Variants in ZNF469 observed in about 807,000 individuals in gnomAD.
The protein encoded by ZNF469 is zinc finger protein 469.
A neutral mutation model predicts 1.0 loss-of-function variants in ZNF469; 1 was observed. The ratio of observed to expected loss-of-function variants is 1.00; its 90% CI spans 0.35 to 4.73. The LOEUF (loss-of-function observed/expected upper bound fraction) is 4.73. Ranked by LOEUF, ZNF469 falls within the 30% of genes most tolerant of loss-of-function variation. ZNF469 has a pLI of 0.16. For synonymous variants in ZNF469, 2,703 were observed against 2,363.4 expected (o/e 1.14, Z -4.17); for missense variants, 6,100 against 5,356.3 (o/e 1.14, Z -4.33).
At chr16:88,213,224 G>A in the ZNF469 span, among the ~76,000 whole-genome samples, 26 of 151,888 alleles carry the variant, frequency 1.7e-4, no homozygotes, top group Non-Finnish European at 3.5e-4. Flanking sequence ...TCAGCCTGCC[G>A]AGTAGCTGGG....
chr16:88,321,677 C>T, the ZNF469 span, among the ~76,000 whole-genome samples: 2 of 152,136 alleles, frequency 1.3e-5, no homozygotes, highest in Admixed American at 6.5e-5. Flanking sequence ...TAAGGCCTCA[C>T]CTGATTGGTG....
At chr16:88,371,550 G>C in the ZNF469 span, among the ~76,000 whole-genome samples, 1 of 152,154 alleles carries the variant, frequency 6.6e-6, no homozygotes, top group African/African-American at 2.4e-5. Flanking sequence ...ATGCTTTGTA[G>C]AGGCAGAGCT....
rs924208345 is a variant in ZNF469 at position 88,436,974 on chromosome 16, G to A, written c.9504G>A (p.Ala3168=). Reference sequence around the variant, plus strand: ...GGGGGCACCTGCAGGAGAGGCACGCGCAGAGCAAGGCCGGGCCCTGGGCGT... The same window carrying A: ...GGGGGCACCTGCAGGAGAGGCACGCACAGAGCAAGGCCGGGCCCTGGGCGT... ...LLRGHLQERH[A]QSKAGPWACG... is the part of the protein sequence containing the mutation. The change falls in exon 3 of 3, where the codon GCG becomes GCA. Residue 3168 remains alanine, a synonymous_variant. Transcript: ENST00000565624. 14 of 1,508,580 alleles carry A rather than the reference G, an allele frequency of 9.3e-6. No individual in the cohort carries two copies. The highest frequency in any genetic ancestry group is 2.1e-5 in the Admixed American group (1 of 48,366). The allele number at this position is 1,508,580 out of a possible 1,614,324, so 93.4% of individuals were successfully genotyped here. A position where few individuals can be genotyped will look rare whatever the true frequency, so the allele number is the denominator to read the frequency against.
the ZNF469 span, among the ~76,000 whole-genome samples, chr16:88,113,373 T>C: frequency 0.85 from 129,164 of 152,222 alleles, 55,404 homozygotes; most frequent in Non-Finnish European, 0.91. Context: ...CCCCAGGGTA[T>C]GTTCTTGCCA....
In ZNF469 at chr16:88,429,592, G is replaced by T. The variant is rs1296117252; in HGVS notation, c.2122G>T (p.Ala708Ser). 1 of 1,549,584 alleles carries T rather than the reference G, an allele frequency of 6.5e-7. No homozygotes were observed. Among genetic ancestry groups the T allele is most frequent in the South Asian group, 1.2e-5 (1 of 84,000 alleles). ...GRGGLQGFPR[A>S]PPPYPTHHFS... Reference sequence around the variant, plus strand: ...GGGAGGGCTGCAGGGCTTCCCCCGTGCGCCGCCTCCGTACCCCACACACCA... The same window carrying T: ...GGGAGGGCTGCAGGGCTTCCCCCGTTCGCCGCCTCCGTACCCCACACACCA... The change falls in exon 3 of 3, where the codon GCG becomes TCG. Residue 708 changes from alanine (A) to serine (S), a missense_variant. Ala to Ser is a moderately conservative substitution (Grantham distance 99). Transcript: ENST00000565624.
the ZNF469 span, among the ~76,000 whole-genome samples, chr16:88,274,718 A>C: frequency 6.6e-6 from 1 of 152,210 alleles, no homozygotes; most frequent in African/African-American, 2.4e-5. Context: ...TACAGAATTC[A>C]GTTCAATTCT....
chr16:88,124,794 G>A, the ZNF469 span, among the ~76,000 whole-genome samples: 1 of 152,198 alleles, frequency 6.6e-6, no homozygotes, highest in Non-Finnish European at 1.5e-5. Context: ...ATATTGGCCA[G>A]GTTGGTCTTG....
chr16:88,264,363 C>T, the ZNF469 span, among the ~76,000 whole-genome samples: 5 of 151,974 alleles, frequency 3.3e-5, no homozygotes, highest in African/African-American at 1.2e-4. Context: ...TGCCCACCTT[C>T]CTCTCTCCCA....
the ZNF469 span, among the ~76,000 whole-genome samples, chr16:88,263,851 G>T: frequency 6.6e-6 from 1 of 152,068 alleles, no homozygotes; most frequent in African/African-American, 2.4e-5. Flanking sequence ...AGACTGATGC[G>T]CCGGGCAGAG....
chr16:88,175,195 C>T, the ZNF469 span, among the ~76,000 whole-genome samples: 4 of 152,198 alleles, frequency 2.6e-5, no homozygotes, highest in Admixed American at 6.5e-5. Context: ...AAAATCCCCG[C>T]ACAGCAGCAC....
Position 88,435,112 on chromosome 16 carries a change from C to G in ZNF469, c.7642C>G (p.His2548Asp). 6.4e-7 allele frequency: 1 copy of G among 1,550,388 alleles called. No individual in the cohort carries two copies. The highest frequency in any genetic ancestry group is 8.7e-7 in the Non-Finnish European group (1 of 1,146,984). The change falls in exon 3 of 3, where the codon CAC becomes GAC. Residue 2548 changes from histidine (H) to aspartate (D), a missense_variant. Physicochemically the swap from His to Asp is moderately conservative, Grantham distance 81. Transcript: ENST00000565624. ...AAATCACTCACGGGGAGACCCCAGC[C>G]ACGTCACCCAGCCACCGCCTGCCCA... ...RPNHSRGDPSHVTQPPPAQGS... is the reference protein window; with the variant it reads ...RPNHSRGDPSDVTQPPPAQGS...
the ZNF469 span, among the ~76,000 whole-genome samples, chr16:88,138,056 C>T: frequency 6.6e-6 from 1 of 152,198 alleles, no homozygotes; most frequent in South Asian, 2.1e-4. Context: ...GAGTGCCCAT[C>T]TCACTCAGTG....
chr16:88,428,229 C>T lies in ZNF469; in HGVS notation c.759C>T (p.Ala253=), dbSNP rs975846019. 1.4e-5 allele frequency: 21 copies of T among 1,550,198 alleles called. No homozygotes were observed. The highest frequency in any genetic ancestry group is 4.1e-5 in the African/African-American group (3 of 73,052). Residue 253 remains alanine, a synonymous_variant, in exon 3 of 3, where the codon GCC becomes GCT. Transcript: ENST00000565624. ...FPGANFGVPP[A]EPEPIPKGSR... is the part of the protein sequence containing the mutation. ...GTGCTAATTTCGGGGTTCCCCCCGC[C>T]GAGCCGGAACCTATTCCCAAAGGCA...
the ZNF469 span, among the ~76,000 whole-genome samples, chr16:88,161,004 G>A: frequency 6.6e-6 from 1 of 152,060 alleles, no homozygotes; most frequent in Non-Finnish European, 1.5e-5. Flanking sequence ...AATTAGCTGG[G>A]CACTAAAAAT....
the ZNF469 span, among the ~76,000 whole-genome samples, chr16:88,252,226 A>T: frequency 7.3e-6 from 1 of 136,176 alleles, no homozygotes; most frequent in East Asian, 2.0e-4. Context: ...GCTGCCTGGG[A>T]CTCCCTCTGC....
At chr16:88,230,219 A>C in the ZNF469 span, among the ~76,000 whole-genome samples, 1 of 152,242 alleles carries the variant, frequency 6.6e-6, no homozygotes, top group African/African-American at 2.4e-5. Context: ...GGAAGAGAGA[A>C]CACAGCAGAA....
At chr16:88,275,627 C>A in the ZNF469 span, among the ~76,000 whole-genome samples, 1 of 152,200 alleles carries the variant, frequency 6.6e-6, no homozygotes, top group African/African-American at 2.4e-5. Context: ...AGTGGGTACA[C>A]TGAGGCACTG....
intron 1 of ZNF469, among the ~76,000 whole-genome samples, chr16:88,406,835 A>G (rs192785647): frequency 5.2e-4 from 79 of 152,254 alleles, no homozygotes; most frequent in Admixed American, 9.2e-4. Flanking sequence ...TGGGGATGAC[A>G]CAGGGTTGGC....
chr16:88,371,082 TG>T, the ZNF469 span, among the ~76,000 whole-genome samples: 1 of 152,200 alleles, frequency 6.6e-6, no homozygotes, highest in Non-Finnish European at 1.5e-5. Flanking sequence ...GGCCAGAAAA[TG>T]GCCCACATGC....
Sources: allele counts gnomAD v4.1 joint callset (sites outside exome capture counted in the v4.1 genomes callset), GRCh38; gene constraint gnomAD v4.1.1; transcripts MANE v1.5; gene names NCBI Gene and HGNC (gene_info 2026-07-23, HGNC 2026-07-21).